Variants in CA10 observed in about 807,000 individuals in gnomAD.
CA10 encodes carbonic anhydrase 10 (inactive), also known as carbonic anhydrase-related protein 10.
CA10 carries 14 observed loss-of-function variants against 44.2 expected under a neutral mutation model. The ratio of observed to expected loss-of-function variants is 0.32; its 90% CI spans 0.21 to 0.50. The LOEUF (loss-of-function observed/expected upper bound fraction) is 0.50, where lower values mean the gene tolerates loss of function less well. CA10 is among the 20% of genes least tolerant of loss of function. The pLI is 0.99. For missense variants in CA10, 350 were observed against 409.7 expected (o/e 0.85, Z 1.26); for synonymous variants, 159 against 141.6 (o/e 1.12, Z -0.87).
rs777074047 is a variant in CA10 at position 51,653,702 on chromosome 17, G to T, written c.500C>A (p.Thr167Lys). 6.2e-7 allele frequency: 1 copy of T among 1,610,488 alleles called. No individual in the cohort carries two copies. Among genetic ancestry groups the T allele is most frequent in the Non-Finnish European group, 8.5e-7 (1 of 1,176,770 alleles). ...QLIHYNHELY[T>K]NVTEAAKSPN... ...ACTCTTTGCAGCTTCTGTGACATTC[G>T]TATATAGCTCATGGTTATAGTGGAT... Residue 167 changes from threonine (T) to lysine (K), a missense_variant, in exon 5 of 9, where the codon ACG becomes AAG. Physicochemically the swap from Thr to Lys is moderately conservative, Grantham distance 78. Coordinates refer to ENST00000451037, the MANE Select transcript of CA10 (RefSeq NM_020178.5).
At chr17:51,756,643 T>C (rs1905089723) in intron 3 of CA10, among the ~76,000 whole-genome samples, 1 of 151,828 alleles carries the variant, frequency 6.6e-6, no homozygotes, top group African/African-American at 2.4e-5. Flanking sequence ...CTAACTTTTT[T>C]TTTTTGTATT....
intron 1 of CA10, among the ~76,000 whole-genome samples, chr17:52,123,371 G>GGT (rs34184028): frequency 0.16 from 23,988 of 145,958 alleles, 2,329 homozygotes; most frequent in South Asian, 0.31. Flanking sequence ...ATATATATGG[G>GGT]GTGTGTGTGT....
At chr17:51,890,112 T>A (rs2143907387) in intron 3 of CA10, among the ~76,000 whole-genome samples, 1 of 152,330 alleles carries the variant, frequency 6.6e-6, no homozygotes, top group South Asian at 2.1e-4. Flanking sequence ...TCCATTAATG[T>A]GCCAATGGCT....
chr17:52,004,326 T>C (rs2144124432), intron 2 of CA10, among the ~76,000 whole-genome samples: 1 of 152,100 alleles, frequency 6.6e-6, no homozygotes, highest in South Asian at 2.1e-4. Flanking sequence ...TCTCACTTCA[T>C]AATTTCTTAA....
chr17:52,014,171 T>C (rs1985896046), intron 2 of CA10, among the ~76,000 whole-genome samples: 1 of 151,954 alleles, frequency 6.6e-6, no homozygotes, highest in African/African-American at 2.4e-5. Flanking sequence ...AATTTATGAA[T>C]GAAAAATTAT....
In CA10 at chr17:52,083,908, T is replaced by C. The variant is rs554325318; in HGVS notation, c.62-11515A>G. Reference sequence around the variant, plus strand: ...GTTATCTTTCTGATGTAATTATTTCTTTTTTAGAGTAGATACCCAATACTG... The same window carrying C: ...GTTATCTTTCTGATGTAATTATTTCCTTTTTAGAGTAGATACCCAATACTG... On this transcript the variant is annotated intron_variant, in intron 1 of 8. Transcript: ENST00000451037. Among the ~76,000 whole-genome samples the C allele has an allele frequency of 7.8e-5, 3 of 38,532 alleles. No homozygotes were observed. In the South Asian group the frequency reaches 1.3e-3, roughly 17 times the overall value. The allele number at this position is 38,532 out of a possible 152,430, so 25.3% of individuals were successfully genotyped here.
chr17:51,638,964 A>G (rs1034721418), intron 6 of CA10, among the ~76,000 whole-genome samples: 1 of 151,962 alleles, frequency 6.6e-6, no homozygotes, highest in Non-Finnish European at 1.5e-5. Context: ...CGATGTGGAG[A>G]TGGAAGGGGA....
chr17:51,741,866 A>C (rs546108785), intron 4 of CA10, among the ~76,000 whole-genome samples: 8 of 152,344 alleles, frequency 5.3e-5, no homozygotes, highest in Admixed American at 2.0e-4. Flanking sequence ...AATAGAAGTG[A>C]GATTAAACAG....
At chr17:51,831,717 G>T (rs1040845354) in intron 3 of CA10, among the ~76,000 whole-genome samples, 1 of 110,234 alleles carries the variant, frequency 9.1e-6, no homozygotes, top group Non-Finnish European at 2.0e-5. Flanking sequence ...AGCAGCAGCA[G>T]CAGCAGCAGC....
At chr17:51,856,390 A>ACAT in intron 3 of CA10, among the ~76,000 whole-genome samples, 1 of 145,860 alleles carries the variant, frequency 6.9e-6, no homozygotes, top group South Asian at 2.1e-4. Context: ...AACAACAACA[A>ACAT]CAACTCCCCT....
intron 3 of CA10, among the ~76,000 whole-genome samples, chr17:51,908,344 T>C (rs1288520229): frequency 1.3e-5 from 2 of 152,182 alleles, no homozygotes; most frequent in African/African-American, 4.8e-5. Flanking sequence ...AGGCTCAGCC[T>C]GAGGTTTCCA....
chr17:51,951,996 T>C (rs1983502483), intron 2 of CA10, among the ~76,000 whole-genome samples: 1 of 152,202 alleles, frequency 6.6e-6, no homozygotes, highest in African/African-American at 2.4e-5. Context: ...TTGAGTTTCT[T>C]GAGCTGTAAA....
chr17:51,865,568 G>T (rs553338803), intron 3 of CA10, among the ~76,000 whole-genome samples: 2 of 152,332 alleles, frequency 1.3e-5, no homozygotes, highest in Non-Finnish European at 2.9e-5. Flanking sequence ...GAGCCGGTGG[G>T]GGGGAACCAA....
intron 4 of CA10, among the ~76,000 whole-genome samples, chr17:51,655,838 G>A (rs9914067): frequency 6.6e-6 from 1 of 152,190 alleles, no homozygotes; most frequent in Non-Finnish European, 1.5e-5. Flanking sequence ...TATCCTATTT[G>A]CTTATTGCTT....
intron 1 of CA10, among the ~76,000 whole-genome samples, chr17:52,090,414 C>CA (rs1988228013): frequency 6.6e-6 from 1 of 152,054 alleles, no homozygotes; most frequent in Non-Finnish European, 1.5e-5. Flanking sequence ...AAGTAATTGA[C>CA]AGATCAATTA....
At chr17:51,634,221 G>A (rs1263448491) in intron 7 of CA10, among the ~76,000 whole-genome samples, 1 of 152,206 alleles carries the variant, frequency 6.6e-6, no homozygotes, top group Non-Finnish European at 1.5e-5. Flanking sequence ...CAGAGAGAAA[G>A]CACTTCTGGG....
chr17:52,094,572 AAT>A (rs1412281342), intron 1 of CA10, among the ~76,000 whole-genome samples: 2 of 152,320 alleles, frequency 1.3e-5, no homozygotes, highest in East Asian at 3.9e-4. Flanking sequence ...TTGAATTTAG[AAT>A]ATACTGTATC....
At position 51,681,556 on chromosome 17, in the gene CA10, G is replaced by A. The variant is rs75349292; in HGVS notation, c.466-27820C>T. 5.8e-3 allele frequency among the ~76,000 whole-genome samples: 877 copies of A among 152,212 alleles called. 5 individuals are homozygous for A. The highest frequency in any genetic ancestry group is 0.02 in the African/African-American group (832 of 41,514). On this transcript the variant is annotated intron_variant, in intron 4 of 8. Transcript: ENST00000451037. ...TCCCTGGCCTCTACCCACTAGAGAC[G>A]CCAGTAGCACCCCCAGTCATGACAA...
intron 1 of CA10, among the ~76,000 whole-genome samples, chr17:52,114,607 T>G (rs916094871): frequency 2.0e-5 from 3 of 152,222 alleles, no homozygotes; most frequent in Non-Finnish European, 4.4e-5. Context: ...GTAATTCTTT[T>G]AATTACTTAA....
Sources: gnomAD v4.1 joint callset for allele counts (sites outside exome capture counted in the v4.1 genomes callset) on GRCh38, gnomAD v4.1.1 for gene constraint, MANE v1.5 for transcripts, NCBI Gene and HGNC (gene_info 2026-07-23, HGNC 2026-07-21) for gene names.